PLCG2: variants seen among roughly 807,000 people sequenced by gnomAD.
The protein encoded by PLCG2 is phospholipase C gamma 2, also known as 1-phosphatidylinositol 4,5-bisphosphate phosphodiesterase gamma-2.
In PLCG2, 69 loss-of-function variants were observed where a neutral mutation model predicts 175.6. The ratio of observed to expected loss-of-function variants is 0.39; its 90% confidence interval spans 0.32 to 0.48. The LOEUF is 0.48. Among genes scored for constraint, PLCG2 ranks in the 20% least tolerant of loss-of-function variants. The probability of loss-of-function intolerance (pLI) is 0.91; values close to 1 mark genes in which losing one functional copy is unlikely to be tolerated. For synonymous variants in PLCG2, 827 were observed against 624.0 expected, an observed-to-expected ratio of 1.33 and a Z score of -4.85; for missense variants, 1,798 against 1,650.9, an observed-to-expected ratio of 1.09 and a Z score of -1.54.
chr16:81,922,638 C>T (rs1910105258), intron 21 of PLCG2, among the ~76,000 whole-genome samples: 1 of 152,170 alleles, frequency 6.6e-6, no homozygotes. Context: ...TTTGAACCTA[C>T]ATATCTGACT....
Position 81,854,457 on chromosome 16 carries a change from A to C in PLCG2, c.207A>C (p.Glu69Asp), listed in dbSNP as rs534845546. The stretch of plus-strand genomic sequence containing the variant: ...ATTTCATTTTAGTGGATATCATGGA[A>C]ATAAAAGAAATCCGCCCAGGGAAGA... ...DKIEGFLDIM[E>D]IKEIRPGKNS... Residue 69 changes from glutamate (E) to aspartate (D), a missense_variant, in exon 3 of 33, where the codon GAA (glutamate) becomes GAC (aspartate). Coordinates refer to ENST00000564138, the MANE Select transcript of PLCG2 (RefSeq NM_002661.5). 24 of 1,614,088 alleles carry C rather than the reference A, an allele frequency of 1.5e-5. No individual in the cohort carries two copies. In the South Asian group the frequency reaches 2.5e-4, roughly 17 times the overall value.
chr16:81,830,604 G>A (rs978899097), intron 2 of PLCG2, among the ~76,000 whole-genome samples: 2 of 151,920 alleles, frequency 1.3e-5, no homozygotes, highest in African/African-American at 4.8e-5. Context: ...CCCCATGCCT[G>A]GTAAGACTGT....
intron 2 of PLCG2, among the ~76,000 whole-genome samples, chr16:81,836,562 G>A (rs1370419566): frequency 1.3e-5 from 2 of 152,156 alleles, no homozygotes; most frequent in East Asian, 3.9e-4. Flanking sequence ...TTAACATGGT[G>A]AAACGCCATC....
intron 8 of PLCG2, among the ~76,000 whole-genome samples, chr16:81,882,026 C>G (rs757278816): frequency 3.3e-4 from 51 of 152,274 alleles, no homozygotes; most frequent in Non-Finnish European, 5.3e-4. Flanking sequence ...TAGAATTGTA[C>G]TCATAATCAA....
intron 2 of PLCG2, among the ~76,000 whole-genome samples, chr16:81,827,100 C>T (rs1353213572): frequency 1.8e-4 from 27 of 152,104 alleles, no homozygotes. Context: ...CCTTGTTGAC[C>T]TTGCGCTGAA....
At chr16:81,911,770 C>T (rs1909634067) in intron 18 of PLCG2, among the ~76,000 whole-genome samples, 1 of 146,236 alleles carries the variant, frequency 6.8e-6, no homozygotes, top group African/African-American at 2.5e-5. Context: ...GCCACTGGGC[C>T]TGGCTAATTT....
chr16:81,760,043 G>A (rs111262062), intron 2 of PLCG2, among the ~76,000 whole-genome samples: 3 of 152,308 alleles, frequency 2.0e-5, no homozygotes, highest in African/African-American at 7.2e-5. Context: ...GGAGAATGGC[G>A]TGAACCTGGA....
At chr16:81,870,535 T>G (rs540133329) in intron 6 of PLCG2, among the ~76,000 whole-genome samples, 1 of 152,332 alleles carries the variant, frequency 6.6e-6, no homozygotes, top group East Asian at 1.9e-4. Flanking sequence ...CTTTTGGGGC[T>G]CAAAGGAGGG....
chr16:81,915,456 C>T (rs527634300), intron 19 of PLCG2, among the ~76,000 whole-genome samples: 5 of 152,326 alleles, frequency 3.3e-5, no homozygotes, highest in African/African-American at 1.2e-4. Flanking sequence ...CAGGCTGTGG[C>T]CGTGGCATCC....
intron 2 of PLCG2, among the ~76,000 whole-genome samples, chr16:81,806,104 CTG>C (rs1339952885): frequency 6.6e-6 from 1 of 150,956 alleles, no homozygotes; most frequent in East Asian, 1.9e-4. Flanking sequence ...GGTTTTTGGT[CTG>C]TGTCTTCAAA....
intron 18 of PLCG2, 91 bp downstream of exon 18, chr16:81,910,811 TC>T: frequency 8.0e-7 from 1 of 1,247,186 alleles, no homozygotes. Flanking sequence ...GCCGGGCCAG[TC>T]CCCCAGGACA....
chr16:81,946,407 T>C, intron 31 of PLCG2, 144 bp downstream of exon 31: 1 of 638,314 alleles, frequency 1.6e-6, no homozygotes, highest in East Asian at 2.8e-5. Flanking sequence ...CAAGAATTCC[T>C]TTTTGCTAAT....
At chr16:81,846,796 C>G (rs1021752432) in intron 2 of PLCG2, among the ~76,000 whole-genome samples, 1 of 152,134 alleles carries the variant, frequency 6.6e-6, no homozygotes, top group Non-Finnish European at 1.5e-5. Context: ...CAGCACGAAA[C>G]ACTTCACCTC....
intron 1 of PLCG2, among the ~76,000 whole-genome samples, chr16:81,749,655 T>A (rs917339657): frequency 8.5e-5 from 13 of 152,334 alleles, no homozygotes; most frequent in African/African-American, 2.9e-4. Flanking sequence ...TGCCTGGCCT[T>A]CATTAAATAA....
At chr16:81,832,563 T>C (rs1905304696) in intron 2 of PLCG2, among the ~76,000 whole-genome samples, 1 of 152,042 alleles carries the variant, frequency 6.6e-6, no homozygotes, top group African/African-American at 2.4e-5. Context: ...CTAATTTGTG[T>C]GTGTGTGTGT....
chr16:81,768,442 G>C (rs1045230073), intron 2 of PLCG2, among the ~76,000 whole-genome samples: 1 of 151,744 alleles, frequency 6.6e-6, no homozygotes, highest in Admixed American at 6.6e-5. Context: ...TATGGTAAGT[G>C]AATGTTTAAC....
intron 17 of PLCG2, among the ~76,000 whole-genome samples, chr16:81,909,873 G>A (rs529128240): frequency 6.6e-6 from 1 of 152,240 alleles, no homozygotes; most frequent in South Asian, 2.1e-4. Context: ...CAGACCGCTG[G>A]GGTAGTAATA....
chr16:81,775,331 G>T (rs1187137210), upstream of PLCG2, among the ~76,000 whole-genome samples: 1 of 152,154 alleles, frequency 6.6e-6, no homozygotes, highest in Non-Finnish European at 1.5e-5. Context: ...TGGGTCTTAT[G>T]ATGGGGAAAT....
At chr16:81,820,742 T>C (rs564273575) in intron 2 of PLCG2, among the ~76,000 whole-genome samples, 1 of 152,274 alleles carries the variant, frequency 6.6e-6, no homozygotes, top group South Asian at 2.1e-4. Flanking sequence ...CACCTCAGCC[T>C]CCTGAGTAGC....
Sources: gnomAD v4.1 joint callset for allele counts (sites outside exome capture counted in the v4.1 genomes callset) on GRCh38, gnomAD v4.1.1 for gene constraint, MANE v1.5 for transcripts, NCBI Gene and HGNC (gene_info 2026-07-23, HGNC 2026-07-21) for gene names.